The following PDE4B variants were observed in gnomAD, a reference collection of about 807,000 sequenced individuals.
PDE4B encodes 3',5'-cyclic-AMP phosphodiesterase 4B.
PDE4B carries 20 observed loss-of-function variants against 82.2 expected under a neutral mutation model. That is an observed-to-expected ratio of 0.24 (90% CI 0.17 to 0.35). PDE4B has a LOEUF of 0.35. Ranked by LOEUF, PDE4B falls within the 10% of genes least tolerant of loss-of-function variation. The probability of loss-of-function intolerance (pLI) is 1.00; values close to 1 mark genes in which losing one functional copy is unlikely to be tolerated. For missense variants in PDE4B, 655 were observed against 907.2 expected, an observed-to-expected ratio of 0.72 and a Z score of 3.57; for synonymous variants, 320 against 318.9, an observed-to-expected ratio of 1.00 and a Z score of -0.04.
chr1:66,004,185 G>T (rs933284264), intron 3 of PDE4B, among the ~76,000 whole-genome samples: 1 of 152,102 alleles, frequency 6.6e-6, no homozygotes, highest in Non-Finnish European at 1.5e-5. Context: ...TATAATCCCT[G>T]GCCAATGGCA....
At chr1:66,117,717 G>C (rs1467105181) in intron 3 of PDE4B, among the ~76,000 whole-genome samples, 1 of 152,116 alleles carries the variant, frequency 6.6e-6, no homozygotes, top group Non-Finnish European at 1.5e-5. Context: ...TAAAATATTA[G>C]AGCTGAGTGG....
intron 7 of PDE4B, among the ~76,000 whole-genome samples, chr1:66,301,561 CT>C (rs11324517): frequency 0.19 from 27,727 of 145,272 alleles, 5,103 homozygotes; most frequent in African/African-American, 0.47. Context: ...TAGGACAATG[CT>C]TTTTTTTTTT....
intron 3 of PDE4B, among the ~76,000 whole-genome samples, chr1:66,153,901 C>A (rs1356169773): frequency 1.3e-5 from 2 of 152,138 alleles, no homozygotes; most frequent in Non-Finnish European, 2.9e-5. Flanking sequence ...GTTCGCTGAT[C>A]CAAAAATATC....
chr1:66,026,900 A>G (rs770839527), intron 3 of PDE4B, among the ~76,000 whole-genome samples: 10 of 152,230 alleles, frequency 6.6e-5, no homozygotes, highest in Non-Finnish European at 1.2e-4. Flanking sequence ...GTTGTAACAT[A>G]TGCCTGCAAA....
intron 1 of PDE4B, among the ~76,000 whole-genome samples, chr1:65,839,624 A>T (rs1490573201): frequency 3.3e-5 from 5 of 152,132 alleles, no homozygotes; most frequent in Non-Finnish European, 1.5e-5. Context: ...GCTGCATAGT[A>T]TTATATGATG....
At chr1:65,914,226 GCCCTGTGGT>G (rs1557428873) in intron 2 of PDE4B, among the ~76,000 whole-genome samples, 1 of 152,116 alleles carries the variant, frequency 6.6e-6, no homozygotes, top group Non-Finnish European at 1.5e-5. Context: ...CACCCTATGG[GCCCTGTGGT>G]CCCTTTGCCT....
rs1271260515 is a variant in PDE4B at position 66,274,194 on chromosome 1, CT to C, written c.634+8109del. 1.3e-5 allele frequency among the ~76,000 whole-genome samples: 2 copies of C among 150,374 alleles called. 1 individual carries two copies. Among genetic ancestry groups the C allele is most frequent in the Non-Finnish European group, 3.0e-5 (2 of 67,712 alleles). On this transcript the variant is annotated intron_variant, in intron 7 of 16. Coordinates refer to ENST00000341517, the MANE Select transcript of PDE4B (RefSeq NM_002600.4). The stretch of plus-strand genomic sequence containing the variant: ...TTTTTTTTTGAGATAGAGTTTCACT[CT>C]TGTTGCCCAGGCTAGAGAGCAATGG...
At chr1:66,299,347 T>C (rs939879825) in intron 7 of PDE4B, among the ~76,000 whole-genome samples, 4 of 152,174 alleles carry the variant, frequency 2.6e-5, no homozygotes, top group Non-Finnish European at 5.9e-5. Context: ...ACCTGACTTA[T>C]TTTACTTAAT....
intron 1 of PDE4B, among the ~76,000 whole-genome samples, chr1:65,879,163 T>A (rs1248600164): frequency 6.6e-6 from 1 of 152,088 alleles, no homozygotes; most frequent in East Asian, 1.9e-4. Flanking sequence ...CTGTCAGGGG[T>A]GCCTGAGATA....
chr1:65,818,445 C>G (rs1197321166), intron 1 of PDE4B, among the ~76,000 whole-genome samples: 1 of 151,844 alleles, frequency 6.6e-6, no homozygotes, highest in Non-Finnish European at 1.5e-5. Context: ...AAAATTTTTT[C>G]TTTTCCTTTA....
intron 3 of PDE4B, among the ~76,000 whole-genome samples, chr1:66,008,342 A>G (rs1040782087): frequency 6.6e-6 from 1 of 152,132 alleles, no homozygotes; most frequent in Non-Finnish European, 1.5e-5. Context: ...ATTCATTAGC[A>G]TTGTCAACCA....
intron 3 of PDE4B, among the ~76,000 whole-genome samples, chr1:66,153,002 C>T (rs114847684): frequency 8.2e-4 from 125 of 152,254 alleles, no homozygotes; most frequent in African/African-American, 3.0e-3. Context: ...ATCTTTGCAG[C>T]AACATACAGA....
chr1:65,934,687 A>G (rs1648027200), intron 3 of PDE4B, among the ~76,000 whole-genome samples: 1 of 152,202 alleles, frequency 6.6e-6, no homozygotes, highest in African/African-American at 2.4e-5. Flanking sequence ...ATGGAAATAT[A>G]TATTCTATGT....
chr1:66,073,534 T>C (rs559496739), intron 3 of PDE4B, among the ~76,000 whole-genome samples: 60 of 152,108 alleles, frequency 3.9e-4, no homozygotes, highest in African/African-American at 1.4e-3. Context: ...CATATCACCC[T>C]CCTCCACTCT....
chr1:66,101,703 T>G (rs1418022822), intron 3 of PDE4B, among the ~76,000 whole-genome samples: 1 of 152,224 alleles, frequency 6.6e-6, no homozygotes, highest in Non-Finnish European at 1.5e-5. Context: ...TGTTAATTTG[T>G]TTGAGTTCTT....
chr1:66,266,133 A>T (rs771257019), intron 7 of PDE4B, 46 bp downstream of exon 7: 2 of 1,351,286 alleles, frequency 1.5e-6, no homozygotes, highest in Non-Finnish European at 2.1e-6. Context: ...AGATAGAATA[A>T]TAAACATGCC....
chr1:66,363,043 C>G (rs1292761247), intron 10 of PDE4B, 125 bp from the exon 11 acceptor site: 3 of 633,130 alleles, frequency 4.7e-6, no homozygotes, highest in African/African-American at 3.7e-5. Context: ...TTTCACACAA[C>G]TAAAGCACTC....
intron 3 of PDE4B, among the ~76,000 whole-genome samples, chr1:66,155,316 C>T (rs1482439256): frequency 6.6e-6 from 1 of 152,068 alleles, no homozygotes; most frequent in African/African-American, 2.4e-5. Flanking sequence ...TCTTCTCTTT[C>T]CTCGTGTCTT....
At chr1:65,955,218 C>T (rs1220290526) in intron 3 of PDE4B, among the ~76,000 whole-genome samples, 1 of 152,116 alleles carries the variant, frequency 6.6e-6, no homozygotes, top group Non-Finnish European at 1.5e-5. Flanking sequence ...CCATCCATCT[C>T]AGATGTTAGT....
Sources: gnomAD v4.1 joint callset for allele counts (sites outside exome capture counted in the v4.1 genomes callset) on GRCh38, gnomAD v4.1.1 for gene constraint, MANE v1.5 for transcripts, NCBI Gene and HGNC (gene_info 2026-07-23, HGNC 2026-07-21) for gene names.